Variants in ROBO1 observed in about 807,000 individuals in gnomAD.
ROBO1 encodes the protein roundabout homolog 1.
In ROBO1, 149 loss-of-function variants were observed where a neutral mutation model predicts 195.9. The observed-to-expected ratio is 0.76, with a 90% confidence interval of 0.67 to 0.87. ROBO1 has a LOEUF of 0.87. Ranked by LOEUF, ROBO1 falls within the 40% of genes least tolerant of loss-of-function variation. ROBO1 has a pLI of 0.00. For synonymous variants in ROBO1, 816 were observed against 733.2 expected, an observed-to-expected ratio of 1.11 and a Z score of -1.82; for missense variants, 1,933 against 2,068.3, an observed-to-expected ratio of 0.93 and a Z score of 1.27.
chr3:78,767,264 G>C (rs374758972), intron 4 of ROBO1, among the ~76,000 whole-genome samples: 13 of 133,118 alleles, frequency 9.8e-5, no homozygotes, highest in African/African-American at 2.5e-4. Context: ...TTTTTTTTTT[G>C]TCGGTAATTT....
chr3:78,616,057 G>A (rs1332246881), intron 27 of ROBO1, among the ~76,000 whole-genome samples: 1 of 152,166 alleles, frequency 6.6e-6, no homozygotes, highest in Non-Finnish European at 1.5e-5. Flanking sequence ...CATGAAAACA[G>A]AGAATTAGGG....
At position 79,152,169 on chromosome 3, in the gene ROBO1, T is replaced by C. The variant is rs538955629; in HGVS notation, c.89-26630A>G. ...TGTTCAATAAATGTGTTTAATTATG[T>C]AGAAATATGTTACATGTGCAACAAA... is the stretch of plus-strand genomic sequence containing the variant. On this transcript the variant is annotated intron_variant, in intron 2 of 30. Coordinates refer to ENST00000464233, the MANE Select transcript of ROBO1 (RefSeq NM_002941.4). Among the ~76,000 whole-genome samples, 20 of 151,986 alleles carry C rather than the reference T, an allele frequency of 1.3e-4. No individual in the cohort carries two copies. In the South Asian group the frequency reaches 3.9e-3, roughly 30 times the overall value.
intron 2 of ROBO1, among the ~76,000 whole-genome samples, chr3:79,233,671 C>T (rs974359121): frequency 2.0e-5 from 3 of 152,046 alleles, no homozygotes; most frequent in Non-Finnish European, 2.9e-5. Flanking sequence ...CACATCCACT[C>T]ACCCGCATTC....
At chr3:78,637,644 G>A (rs372363603) in intron 22 of ROBO1, among the ~76,000 whole-genome samples, 8 of 152,072 alleles carry the variant, frequency 5.3e-5, no homozygotes, top group South Asian at 4.1e-4. Context: ...AATGGGTATC[G>A]CCATTTTTTC....
intron 2 of ROBO1, among the ~76,000 whole-genome samples, chr3:79,370,142 C>T (rs988759315): frequency 2.6e-5 from 4 of 151,856 alleles, no homozygotes; most frequent in African/African-American, 9.7e-5. Context: ...ATCACTTGTG[C>T]CCAGGAGTTC....
intron 2 of ROBO1, among the ~76,000 whole-genome samples, chr3:79,496,212 C>CAAAAA (rs751339145): frequency 1.2e-4 from 7 of 56,246 alleles, no homozygotes; most frequent in East Asian, 5.9e-4. Flanking sequence ...GACTCTGTCT[C>CAAAAA]AAAAAAAAAA....
intron 2 of ROBO1, among the ~76,000 whole-genome samples, chr3:79,337,771 A>G (rs1369079681): frequency 4.6e-5 from 7 of 152,238 alleles, no homozygotes. Flanking sequence ...CTATGCTAAA[A>G]TATGTGCTGC....
chr3:79,742,417 G>T (rs982202398), intron 1 of ROBO1, among the ~76,000 whole-genome samples: 2 of 152,100 alleles, frequency 1.3e-5, no homozygotes, highest in Non-Finnish European at 1.5e-5. Flanking sequence ...TCAGGCTGCC[G>T]CTTCAGAGGG....
At chr3:79,274,527 T>C (rs1024059913) in intron 2 of ROBO1, among the ~76,000 whole-genome samples, 2 of 151,868 alleles carry the variant, frequency 1.3e-5, no homozygotes, top group Admixed American at 1.3e-4. Flanking sequence ...TTTATAGCTA[T>C]AGGTGCCTAC....
At position 78,755,894 on chromosome 3, in the gene ROBO1, T is replaced by G. The variant is rs985227802; in HGVS notation, c.500-8994A>C. 7.6e-4 allele frequency among the ~76,000 whole-genome samples: 115 copies of G among 152,214 alleles called. 2 individuals are homozygous for G. Among genetic ancestry groups the G allele is most frequent in the Non-Finnish European group, 4.4e-5 (3 of 68,034 alleles). ...ATATTATGGCTTTAAATTCAGCCCT[T>G]GATTTTGAGCTATTTGGATCTATAT... On this transcript the variant is annotated intron_variant, in intron 4 of 30. Coordinates refer to ENST00000464233, the MANE Select transcript of ROBO1 (RefSeq NM_002941.4).
At chr3:79,102,766 A>G (rs2079702020) in intron 3 of ROBO1, among the ~76,000 whole-genome samples, 1 of 151,854 alleles carries the variant, frequency 6.6e-6, no homozygotes, top group Non-Finnish European at 1.5e-5. Context: ...CCAAAGAGAG[A>G]AGCACATAAA....
At chr3:78,849,831 TACACACACACACACACACAC>T (rs576994363) in intron 4 of ROBO1, among the ~76,000 whole-genome samples, 5 of 79,624 alleles carry the variant, frequency 6.3e-5, no homozygotes, top group Admixed American at 1.3e-4. Flanking sequence ...TCTCTCCCAT[TACACACACACACACACACAC>T]ACACACACAC....
At chr3:78,988,379 A>G (rs2108038107) in intron 3 of ROBO1, among the ~76,000 whole-genome samples, 1 of 152,308 alleles carries the variant, frequency 6.6e-6, no homozygotes, top group South Asian at 2.1e-4. Flanking sequence ...TCAAATTGAA[A>G]GAGCTATGAA....
chr3:78,663,271 C>T (rs1231992325), intron 14 of ROBO1, among the ~76,000 whole-genome samples: 2 of 150,752 alleles, frequency 1.3e-5, no homozygotes, highest in African/African-American at 4.9e-5. Context: ...AACACTCTTA[C>T]ATATTGTTTG....
At chr3:79,059,758 C>T (rs2078880463) in intron 3 of ROBO1, among the ~76,000 whole-genome samples, 1 of 151,932 alleles carries the variant, frequency 6.6e-6, no homozygotes, top group Non-Finnish European at 1.5e-5. Context: ...CTCTTAATCC[C>T]CTCATCTTCC....
At chr3:79,298,876 GA>G (rs1206612776) in intron 2 of ROBO1, among the ~76,000 whole-genome samples, 1 of 151,938 alleles carries the variant, frequency 6.6e-6, no homozygotes, top group African/African-American at 2.4e-5. Flanking sequence ...TTTTGAAGGA[GA>G]AAATTACAGG....
In ROBO1 at chr3:79,715,801, A is replaced by T. The variant is rs761100443; in HGVS notation, c.-51+51951T>A. On this transcript the variant is annotated intron_variant, in intron 1 of 30. Transcript: ENST00000464233. ...CACAATTTTAATATTTCTTAACCAC[A>T]TTCATTTCAAATGTCCAGACAGAAT... Among the ~76,000 whole-genome samples the T allele has an allele frequency of 5.5e-4, 84 of 152,100 alleles. 1 individual carries two copies. Among genetic ancestry groups the T allele is most frequent in the Middle Eastern group, 3.2e-3 (1 of 316 alleles).
At chr3:78,966,202 CCT>C (rs1261803617) in intron 3 of ROBO1, among the ~76,000 whole-genome samples, 1 of 152,174 alleles carries the variant, frequency 6.6e-6, no homozygotes, top group Non-Finnish European at 1.5e-5. Context: ...ATTCCCTGCC[CCT>C]CTCTGTCTGT....
chr3:79,309,820 T>C (rs1465448701), intron 2 of ROBO1, among the ~76,000 whole-genome samples: 1 of 152,050 alleles, frequency 6.6e-6, no homozygotes, highest in African/African-American at 2.4e-5. Context: ...AAGAAACAGA[T>C]TGTGCCAAGA....
Sources: gnomAD v4.1 joint callset for allele counts (sites outside exome capture counted in the v4.1 genomes callset) on GRCh38, gnomAD v4.1.1 for gene constraint, MANE v1.5 for transcripts, NCBI Gene and HGNC (gene_info 2026-07-23, HGNC 2026-07-21) for gene names.